ATP10B: variants seen among roughly 807,000 people sequenced by gnomAD.
ATP10B encodes phospholipid-transporting ATPase VB.
In ATP10B, 122 loss-of-function variants were observed where a neutral mutation model predicts 141.2. The observed-to-expected ratio is 0.86, with a 90% CI of 0.75 to 1.00. The LOEUF (loss-of-function observed/expected upper bound fraction) is 1.00. Ranked by LOEUF, ATP10B falls within the 50% of genes least tolerant of loss-of-function variation. ATP10B has a pLI of 0.00. For synonymous variants in ATP10B, 685 were observed against 692.0 expected, an observed-to-expected ratio of 0.99 and a Z score of 0.16; for missense variants, 1,876 against 1,825.3, an observed-to-expected ratio of 1.03 and a Z score of -0.51.
rs1770326553 is a variant in ATP10B, at chr5:160,776,443, C to T, written c.-331+9116G>A. Among the ~76,000 whole-genome samples, 3 of 152,176 alleles carry T rather than the reference C, an allele frequency of 2.0e-5. No individual in the cohort carries two copies. The South Asian group carries it at 6.2e-4, about 32-fold the overall frequency. ...TATGCCAGGCACTGGCTAGGTATGT[C>T]CCAGGGGCTACATTGTCTGATTTTT... On this transcript the variant is annotated intron_variant, in intron 2 of 25. Transcript: ENST00000327245.
At chr5:160,832,840 G>A (rs969063735) in intron 1 of ATP10B, among the ~76,000 whole-genome samples, 1 of 152,082 alleles carries the variant, frequency 6.6e-6, no homozygotes, top group Non-Finnish European at 1.5e-5. Context: ...CATAGGTGGG[G>A]GTAAGGAGAA....
the ATP10B span, among the ~76,000 whole-genome samples, chr5:160,878,328 A>G: frequency 8.6e-5 from 13 of 151,986 alleles, no homozygotes; most frequent in African/African-American, 2.9e-4. Context: ...CTGGCTAGCC[A>G]TAAGTAGAAA....
the ATP10B span, among the ~76,000 whole-genome samples, chr5:160,928,908 C>T: frequency 6.6e-6 from 1 of 152,178 alleles, no homozygotes; most frequent in East Asian, 1.9e-4. Flanking sequence ...CTCTGCTCAT[C>T]AGCATGTGAA....
At chr5:160,639,919 C>T (rs1276547245) in intron 10 of ATP10B, among the ~76,000 whole-genome samples, 2 of 152,242 alleles carry the variant, frequency 1.3e-5, no homozygotes, top group African/African-American at 2.4e-5. Context: ...AACAGATCAT[C>T]AAGCATTTGA....
intron 2 of ATP10B, among the ~76,000 whole-genome samples, chr5:160,736,261 T>C (rs1767105870): frequency 6.6e-6 from 1 of 151,882 alleles, no homozygotes; most frequent in Admixed American, 6.6e-5. Flanking sequence ...CCAAATAAAA[T>C]AATAAATGAA....
At chr5:160,826,338 G>A (rs1774600164) in intron 1 of ATP10B, among the ~76,000 whole-genome samples, 1 of 152,084 alleles carries the variant, frequency 6.6e-6, no homozygotes, top group African/African-American at 2.4e-5. Flanking sequence ...GGACCAGCTG[G>A]AGCCATGGCA....
Position 160,589,620 on chromosome 5 carries a change from A to G in ATP10B, c.3722T>C (p.Leu1241Ser). 6.2e-7 allele frequency: 1 copy of G among 1,614,066 alleles called. No homozygotes were observed. Among genetic ancestry groups the G allele is most frequent in the South Asian group, 1.1e-5 (1 of 91,072 alleles). Reference sequence around the variant, plus strand: ...TGTCTTCATTTCCATTGCCTGGTGCAAAAGGATTGTGGTGAGGGAGATGGT... The same window carrying G: ...TGTCTTCATTTCCATTGCCTGGTGCGAAAGGATTGTGGTGAGGGAGATGGT... ...INTISLTTIL[L>S]HQAMEMKTWT... The change falls in exon 24 of 26, where the codon TTG becomes TCG. Residue 1241 changes from leucine (L) to serine (S), a missense_variant. Coordinates refer to ENST00000327245, the MANE Select transcript of ATP10B (RefSeq NM_025153.3).
chr5:160,921,278 T>C, the ATP10B span, among the ~76,000 whole-genome samples: 1 of 149,850 alleles, frequency 6.7e-6, no homozygotes, highest in East Asian at 2.0e-4. Flanking sequence ...CACTTTGTTT[T>C]TTTTTTTTTT....
chr5:160,643,525 T>C (rs1760034992), intron 9 of ATP10B, among the ~76,000 whole-genome samples: 1 of 152,158 alleles, frequency 6.6e-6, no homozygotes, highest in South Asian at 2.1e-4. Context: ...TTAGATTCCA[T>C]TGTGAGAAGC....
intron 1 of ATP10B, among the ~76,000 whole-genome samples, chr5:160,809,991 A>G (rs1003424844): frequency 3.9e-5 from 6 of 152,190 alleles, no homozygotes; most frequent in Non-Finnish European, 7.4e-5. Context: ...CAGGTAACCT[A>G]AAGCTTTCAA....
At chr5:160,739,256 C>T (rs1426368174) in intron 2 of ATP10B, among the ~76,000 whole-genome samples, 3 of 152,086 alleles carry the variant, frequency 2.0e-5, no homozygotes. Flanking sequence ...GGATGTTTTT[C>T]TTTAAGGTCA....
At chr5:160,725,612 A>G (rs1307125230) in intron 2 of ATP10B, among the ~76,000 whole-genome samples, 1 of 151,982 alleles carries the variant, frequency 6.6e-6, no homozygotes, top group African/African-American at 2.4e-5. Flanking sequence ...CACCCGGCTG[A>G]TTTTTTGTAT....
At chr5:160,681,564 A>C (rs1763401738) in intron 6 of ATP10B, among the ~76,000 whole-genome samples, 1 of 152,202 alleles carries the variant, frequency 6.6e-6, no homozygotes, top group South Asian at 2.1e-4. Context: ...GGACAGCTCA[A>C]GCCAAGTTCT....
intron 13 of ATP10B, among the ~76,000 whole-genome samples, chr5:160,629,497 C>T (rs1758795367): frequency 6.6e-6 from 1 of 152,172 alleles, no homozygotes; most frequent in African/African-American, 2.4e-5. Flanking sequence ...TATAAGTGCT[C>T]AGGACTCACA....
At chr5:160,854,817 C>T (rs1484152155), upstream of ATP10B, among the ~76,000 whole-genome samples, 1 of 152,138 alleles carries the variant, frequency 6.6e-6, no homozygotes, top group African/African-American at 2.4e-5. Context: ...GTGCCAGCAC[C>T]ATGTTAAGTG....
At chr5:160,928,335 G>C in the ATP10B span, among the ~76,000 whole-genome samples, 14 of 152,304 alleles carry the variant, frequency 9.2e-5, no homozygotes, top group African/African-American at 3.4e-4. Context: ...TGAGGTCTGA[G>C]AGGAAACCAA....
chr5:160,746,784 AC>A (rs1457826200), intron 2 of ATP10B, among the ~76,000 whole-genome samples: 2 of 152,248 alleles, frequency 1.3e-5, no homozygotes, highest in South Asian at 2.1e-4. Flanking sequence ...AATATTCACT[AC>A]CATTTATTAC....
intron 2 of ATP10B, among the ~76,000 whole-genome samples, chr5:160,762,774 C>A (rs2127842331): frequency 6.6e-6 from 1 of 152,160 alleles, no homozygotes; most frequent in Non-Finnish European, 1.5e-5. Flanking sequence ...TACAGAATGG[C>A]AGAATGGATT....
At chr5:160,915,389 T>TG in the ATP10B span, among the ~76,000 whole-genome samples, 1 of 151,822 alleles carries the variant, frequency 6.6e-6, no homozygotes, top group African/African-American at 2.4e-5. Flanking sequence ...TGGAGTGCAG[T>TG]GGTGTGATCT....
Sources: allele counts gnomAD v4.1 joint callset (sites outside exome capture counted in the v4.1 genomes callset), GRCh38; gene constraint gnomAD v4.1.1; transcripts MANE v1.5; gene names NCBI Gene and HGNC (gene_info 2026-07-23, HGNC 2026-07-21).